RAF1: variants seen among roughly 807,000 people sequenced by gnomAD.
RAF1 encodes the protein RAF proto-oncogene serine/threonine-protein kinase.
RAF1 carries 27 observed loss-of-function variants against 81.1 expected under a neutral mutation model. The observed-to-expected ratio is 0.33, with a 90% CI of 0.25 to 0.46. The LOEUF is 0.46. Among genes scored for constraint, RAF1 ranks in the 20% least tolerant of loss-of-function variants. The probability of loss-of-function intolerance (pLI) is 1.00; values close to 1 mark genes in which losing one functional copy is unlikely to be tolerated. For missense variants in RAF1, 598 were observed against 826.0 expected, an observed-to-expected ratio of 0.72 and a Z score of 3.38; for synonymous variants, 298 against 294.0, an observed-to-expected ratio of 1.01 and a Z score of -0.14.
intron 1 of RAF1, among the ~76,000 whole-genome samples, chr3:12,628,300 G>A (rs1575618167): frequency 6.6e-6 from 1 of 152,084 alleles, no homozygotes; most frequent in Non-Finnish European, 1.5e-5. Flanking sequence ...GGAGACCAAG[G>A]TAGGAAGATC....
intron 14 of RAF1, chr3:12,587,367 G>GGAACC (rs1297476665): frequency 3.5e-6 from 2 of 579,278 alleles, no homozygotes; most frequent in African/African-American, 3.7e-5. Context: ...AACTCAGAAA[G>GGAACC]GAACCTAACC....
At chr3:12,604,422 T>A in intron 6 of RAF1, 133 bp from the exon 7 acceptor site, 1 of 970,640 alleles carries the variant, frequency 1.0e-6, no homozygotes, top group Non-Finnish European at 1.6e-6. Flanking sequence ...AAATGTTTGA[T>A]TCTTTCAAAT....
chr3:12,591,947 A>G, intron 11 of RAF1, 155 bp from the exon 11 acceptor site: 5 of 676,534 alleles, frequency 7.4e-6, no homozygotes, highest in Non-Finnish European at 1.3e-5. Flanking sequence ...TTTTTGAGAC[A>G]GGGTCTCACT....
intron 1 of RAF1, among the ~76,000 whole-genome samples, chr3:12,659,447 T>TAAAAAAAAAAAAAAAAA (rs1553625806): frequency 6.0e-5 from 2 of 33,160 alleles, no homozygotes; most frequent in Non-Finnish European, 1.2e-4. Context: ...AAAAAAAAAT[T>TAAAAAAAAAAAAAAAAA]ACACGCAAGA....
At chr3:12,648,951 C>G (rs2060437473) in intron 1 of RAF1, among the ~76,000 whole-genome samples, 1 of 152,026 alleles carries the variant, frequency 6.6e-6, no homozygotes, top group Non-Finnish European at 1.5e-5. Context: ...CCAGTCTCTA[C>G]TAAAAATACA....
intron 1 of RAF1, among the ~76,000 whole-genome samples, chr3:12,622,336 C>G (rs11923427): frequency 0.2 from 30,198 of 152,110 alleles, 3,309 homozygotes; most frequent in African/African-American, 0.29. Context: ...CCTGAACAGG[C>G]TTAAAATGCA....
rs965745549 is a variant in RAF1 at position 12,658,755 on chromosome 3, T to C, written c.-27+5058A>G. The stretch of plus-strand genomic sequence containing the variant: ...TTAAGCCCCACCCAGTAAAACCCCT[T>C]AGAATCTGGTCTAAAAATAAAACCG... On this transcript the variant is annotated intron_variant, in intron 1 of 17. Transcript: ENST00000442415. 4.6e-5 allele frequency among the ~76,000 whole-genome samples: 7 copies of C among 152,168 alleles called. 1 individual carries two copies. The South Asian group carries it at 6.2e-4, about 13-fold the overall frequency.
At chr3:12,595,230 G>A (rs543994675) in intron 11 of RAF1, among the ~76,000 whole-genome samples, 5 of 151,940 alleles carry the variant, frequency 3.3e-5, no homozygotes, top group African/African-American at 7.2e-5. Context: ...GCATCACCAC[G>A]CCCACCTAAT....
At chr3:12,623,835 A>T (rs1444375950) in intron 1 of RAF1, among the ~76,000 whole-genome samples, 44 of 140,892 alleles carry the variant, frequency 3.1e-4, no homozygotes, top group African/African-American at 1.1e-3. Context: ...AGGCTAAGTT[A>T]ATGTTTCCTA....
intron 1 of RAF1, among the ~76,000 whole-genome samples, chr3:12,642,041 G>A (rs960795849): frequency 3.3e-5 from 5 of 152,094 alleles, no homozygotes; most frequent in South Asian, 2.1e-4. Flanking sequence ...TCAGCTTCTC[G>A]GGACGCTGAG....
chr3:12,612,404 T>C (rs968746447), intron 2 of RAF1, among the ~76,000 whole-genome samples: 1 of 152,038 alleles, frequency 6.6e-6, no homozygotes, highest in Non-Finnish European at 1.5e-5. Flanking sequence ...ATCTCAGCAC[T>C]TTGGGAAGCC....
intron 13 of RAF1, chr3:12,588,439 C>CT (rs2058399393): frequency 6.6e-6 from 1 of 152,212 alleles, no homozygotes; most frequent in African/African-American, 2.4e-5. Flanking sequence ...GTACAGCCTT[C>CT]TACACACCCT....
intron 2 of RAF1, among the ~76,000 whole-genome samples, chr3:12,615,657 C>T (rs1559443661): frequency 6.6e-6 from 1 of 152,200 alleles, no homozygotes. Context: ...TAGGCTACAA[C>T]CTTCTCATAA....
At chr3:12,611,654 C>T (rs1439166124) in intron 3 of RAF1, among the ~76,000 whole-genome samples, 3 of 152,168 alleles carry the variant, frequency 2.0e-5, no homozygotes, top group East Asian at 3.9e-4. Context: ...GAGCCGAGAT[C>T]GCGCCACTGC....
In RAF1 at chr3:12,648,333, G is replaced by GA. The variant is rs35092632; in HGVS notation, c.-27+15479dup. Among the ~76,000 whole-genome samples, 81 of 148,696 alleles carry GA rather than the reference G, an allele frequency of 5.4e-4. 2 individuals carry two copies. The East Asian group carries it at 0.014, about 26-fold the overall frequency. On this transcript the variant is annotated intron_variant, in intron 1 of 17. Transcript: ENST00000442415. Reference sequence around the variant, plus strand: ...ACATAATGAAGTAGGAAGGAAGGGGGAAAAAAATCACCTGGAAACACTAAC... The same window carrying GA: ...ACATAATGAAGTAGGAAGGAAGGGGGAAAAAAAATCACCTGGAAACACTAAC...
chr3:12,628,726 A>C (rs1241238672), intron 1 of RAF1, among the ~76,000 whole-genome samples: 1 of 118,040 alleles, frequency 8.5e-6, no homozygotes, highest in African/African-American at 3.2e-5. Flanking sequence ...TATTCATATA[A>C]GTATGATGAA....
chr3:12,601,649 T>C (rs2058866042), intron 8 of RAF1, among the ~76,000 whole-genome samples: 1 of 151,950 alleles, frequency 6.6e-6, no homozygotes, highest in South Asian at 2.1e-4. Context: ...CACTCAATTA[T>C]ATAAAAAGAT....
chr3:12,606,862 TG>T (rs1248003800), intron 5 of RAF1, among the ~76,000 whole-genome samples: 2 of 152,158 alleles, frequency 1.3e-5, no homozygotes, highest in Non-Finnish European at 1.5e-5. Flanking sequence ...CCCCAATTTT[TG>T]TATTTTTAGC....
intron 1 of RAF1, among the ~76,000 whole-genome samples, chr3:12,660,738 A>G (rs1268419051): frequency 6.6e-6 from 1 of 152,076 alleles, no homozygotes; most frequent in Non-Finnish European, 1.5e-5. Context: ...GCACTTTGCA[A>G]GGCCAAGGCG....
Sources: gnomAD v4.1 joint callset for allele counts (sites outside exome capture counted in the v4.1 genomes callset) on GRCh38, gnomAD v4.1.1 for gene constraint, MANE v1.5 for transcripts, NCBI Gene and HGNC (gene_info 2026-07-23, HGNC 2026-07-21) for gene names.